Variants in MTMR10 observed in about 807,000 individuals in gnomAD.
The protein encoded by MTMR10 is myotubularin-related protein 10.
A neutral mutation model predicts 88.1 loss-of-function variants in MTMR10; 56 were observed. The observed-to-expected ratio is 0.64, with a 90% CI of 0.51 to 0.79. The LOEUF is 0.79. MTMR10 is among the 30% of genes least tolerant of loss of function. MTMR10 has a pLI of 0.00. For synonymous variants in MTMR10, 380 were observed against 340.9 expected, an observed-to-expected ratio of 1.11 and a Z score of -1.26; for missense variants, 883 against 924.7, an observed-to-expected ratio of 0.95 and a Z score of 0.58.
chr15:30,946,693 A>G (rs1167888747), intron 14 of MTMR10: 3 of 700,946 alleles, frequency 4.3e-6, no homozygotes, highest in Non-Finnish European at 7.8e-6. Context: ...TTAGTCATAA[A>G]TCCTCTACAT....
downstream of MTMR10, chr15:30,937,388 A>G (rs1424517010): frequency 6.1e-6 from 5 of 822,222 alleles, no homozygotes; most frequent in Non-Finnish European, 9.3e-6. Context: ...CAGTGTCTGC[A>G]TATCACAAAA....
At chr15:30,958,280 G>A (rs1340011417) in intron 9 of MTMR10, among the ~76,000 whole-genome samples, 1 of 152,254 alleles carries the variant, frequency 6.6e-6, no homozygotes, top group Non-Finnish European at 1.5e-5. Flanking sequence ...AGAAGGCACG[G>A]AGTGCCAGTG....
chr15:30,958,354 G>C (rs1038905221), intron 9 of MTMR10, among the ~76,000 whole-genome samples: 4 of 152,376 alleles, frequency 2.6e-5, no homozygotes. Context: ...GGTTTAAGGA[G>C]AGAGTGATCA....
At chr15:30,956,751 T>C (rs1251146228) in intron 9 of MTMR10, among the ~76,000 whole-genome samples, 1 of 152,252 alleles carries the variant, frequency 6.6e-6, no homozygotes, top group Non-Finnish European at 1.5e-5. Context: ...AATTTTCAGC[T>C]TAATAAATCA....
rs758458596 is a variant in MTMR10 at position 30,953,542 on chromosome 15, GAAAGT to G, written c.1136+15_1136+19del. On this transcript the variant is annotated intron_variant, in intron 11 of 15. Transcript: ENST00000435680. ...CTCAAAATAAAAAGTTAAAGGAAAA[GAAAGT>G]AAAGAAGTACAAACCTTACATATTC... 6.6e-7 allele frequency: 1 copy of G among 1,505,110 alleles called. No homozygotes were observed. The highest frequency in any genetic ancestry group is 1.2e-5 in the South Asian group (1 of 81,694). The allele number at this position is 1,505,110 out of a possible 1,614,324, so 93.2% of individuals were successfully genotyped here.
chr15:30,988,992 AAAAAAAAAAAAAAATTT>A (rs1459416117), intron 2 of MTMR10, among the ~76,000 whole-genome samples: 1 of 151,390 alleles, frequency 6.6e-6, no homozygotes, highest in Non-Finnish European at 1.5e-5. Context: ...TGTCTCAAAA[AAAAAAAAAAAAAAATTT>A]AAAAAAAATT....
At chr15:30,965,972 A>T in intron 6 of MTMR10, 1 of 451,432 alleles carries the variant, frequency 2.2e-6, no homozygotes, top group South Asian at 1.6e-5. Context: ...TCACAAATTA[A>T]TGAATTCTGA....
intron 6 of MTMR10, among the ~76,000 whole-genome samples, chr15:30,963,435 C>T (rs1000429319): frequency 6.6e-6 from 1 of 151,812 alleles, no homozygotes; most frequent in Non-Finnish European, 1.5e-5. Context: ...TCGAGACCAT[C>T]TTGGCTAACA....
intron 12 of MTMR10, chr15:30,949,377 G>T (rs1015467474): frequency 2.6e-5 from 4 of 152,082 alleles, no homozygotes; most frequent in African/African-American, 9.7e-5. Flanking sequence ...GCAAGAAAAA[G>T]AAAATAAAAG....
chr15:30,955,530 A>C (rs1254762506), intron 9 of MTMR10, among the ~76,000 whole-genome samples: 1 of 151,918 alleles, frequency 6.6e-6, no homozygotes, highest in Non-Finnish European at 1.5e-5. Context: ...TTGGCCTCCC[A>C]AAGTGCTGGG....
intron 3 of MTMR10, among the ~76,000 whole-genome samples, chr15:30,975,613 ATAAGC>A (rs2030070938): frequency 6.6e-6 from 1 of 152,146 alleles, no homozygotes; most frequent in Admixed American, 6.5e-5. Context: ...CTATATCCAA[ATAAGC>A]TACTGTCCCT....
chr15:30,983,187 G>C (rs761772561), intron 2 of MTMR10, among the ~76,000 whole-genome samples: 13 of 152,168 alleles, frequency 8.5e-5, no homozygotes, highest in Non-Finnish European at 1.8e-4. Context: ...ATCAGCCACG[G>C]TGGGACCATT....
chr15:30,919,522 C>T, the MTMR10 span, among the ~76,000 whole-genome samples: 1 of 151,468 alleles, frequency 6.6e-6, no homozygotes, highest in South Asian at 2.1e-4. Context: ...GAAACCTCGT[C>T]TCTACTAAAA....
chr15:30,972,070 G>A (rs965253066), intron 5 of MTMR10, among the ~76,000 whole-genome samples: 4 of 151,960 alleles, frequency 2.6e-5, no homozygotes, highest in Non-Finnish European at 4.4e-5. Flanking sequence ...ATGAATCAAC[G>A]GTTTACCCAC....
At chr15:30,933,198 T>C in the MTMR10 span, among the ~76,000 whole-genome samples, 1 of 152,214 alleles carries the variant, frequency 6.6e-6, no homozygotes, top group South Asian at 2.1e-4. Context: ...TTTTATTTCC[T>C]AGTTTCTCAA....
chr15:30,952,705 G>C (rs2063266727), intron 11 of MTMR10, among the ~76,000 whole-genome samples: 1 of 151,666 alleles, frequency 6.6e-6, no homozygotes, highest in Non-Finnish European at 1.5e-5. Flanking sequence ...TGTTGCTCAG[G>C]CTGGTTGTGA....
chr15:30,963,256 A>C (rs964061966), intron 6 of MTMR10, among the ~76,000 whole-genome samples: 1 of 152,090 alleles, frequency 6.6e-6, no homozygotes, highest in African/African-American at 2.4e-5. Context: ...TAGATTACGG[A>C]GGGGCTATGT....
chr15:30,925,675 T>C, the MTMR10 span: 2 of 1,197,340 alleles, frequency 1.7e-6, no homozygotes, highest in Non-Finnish European at 1.2e-6. Context: ...CTGTGTGCTC[T>C]ACTAAGTGAC....
At chr15:30,953,468 T>C in intron 11 of MTMR10, 94 bp downstream of exon 11, 1 of 907,392 alleles carries the variant, frequency 1.1e-6, no homozygotes, top group East Asian at 2.6e-5. Context: ...GAAGAGTAAG[T>C]ACATGGCCCT....
Sources: allele counts gnomAD v4.1 joint callset (sites outside exome capture counted in the v4.1 genomes callset), GRCh38; gene constraint gnomAD v4.1.1; transcripts MANE v1.5; gene names NCBI Gene and HGNC (gene_info 2026-07-23, HGNC 2026-07-21).